Variants in TPST2 observed in about 807,000 individuals in gnomAD.
The protein encoded by TPST2 is tyrosylprotein sulfotransferase 2, also known as protein-tyrosine sulfotransferase 2.
In TPST2, 16 loss-of-function variants were observed where a neutral mutation model predicts 27.8. The ratio of observed to expected loss-of-function variants is 0.58; its 90% confidence interval spans 0.39 to 0.88. TPST2 has a LOEUF of 0.88. TPST2 is among the 40% of genes least tolerant of loss of function. TPST2 has a pLI of 0.00. For synonymous variants in TPST2, 229 were observed against 231.7 expected (o/e 0.99, Z 0.10); for missense variants, 464 against 543.1 (o/e 0.85, Z 1.45).
chr22:26,586,249 T>A (rs73163236), intron 1 of TPST2, among the ~76,000 whole-genome samples: 1,923 of 151,882 alleles, frequency 0.013, 19 homozygotes, highest in East Asian at 0.038. Flanking sequence ...TTTTTAATAT[T>A]TAATTGATTT....
intron 1 of TPST2, among the ~76,000 whole-genome samples, chr22:26,575,171 G>T (rs1160957276): frequency 1.3e-5 from 2 of 152,114 alleles, no homozygotes; most frequent in African/African-American, 4.8e-5. Context: ...TGGAAAATGG[G>T]GATAACACAG....
intron 1 of TPST2, among the ~76,000 whole-genome samples, chr22:26,558,241 T>TGC (rs35839462): frequency 0.011 from 1,718 of 151,074 alleles, 40 homozygotes; most frequent in East Asian, 0.056. Context: ...CAGGTTCAAG[T>TGC]GATTCTCCTG....
Position 26,523,350 on chromosome 22 carries a change from T to C in TPST2, c.*2925A>G, listed in dbSNP as rs920668915. 2.0e-5 allele frequency: 3 copies of C among 152,210 alleles called. No individual in the cohort carries two copies. The highest frequency in any genetic ancestry group is 4.4e-5 in the Non-Finnish European group (3 of 68,030). The allele number at this position is 152,210 out of a possible 1,614,324, so 9.4% of individuals were successfully genotyped here. A position where few individuals can be genotyped will look rare whatever the true frequency, so the allele number is the denominator to read the frequency against. ...ATGTACAAACAGAAAATGGTAGCAT[T>C]ACCTTTAGGAGCTATTGAGAGGAAG... On this transcript the variant is annotated 3_prime_UTR_variant, in exon 7 of 7. Transcript: ENST00000338754.
At chr22:26,586,211 T>C (rs926631124) in intron 1 of TPST2, among the ~76,000 whole-genome samples, 5 of 152,016 alleles carry the variant, frequency 3.3e-5, no homozygotes, top group Non-Finnish European at 7.4e-5. Flanking sequence ...CCCGTCTCCA[T>C]GTCCCTAGGC....
chr22:26,562,903 G>A (rs1408071142), intron 1 of TPST2, among the ~76,000 whole-genome samples: 1 of 152,092 alleles, frequency 6.6e-6, no homozygotes, highest in African/African-American at 2.4e-5. Context: ...GACCAGGGGC[G>A]ATTTTGCCAT....
intron 4 of TPST2, among the ~76,000 whole-genome samples, chr22:26,533,229 A>G (rs2147177409): frequency 6.6e-6 from 1 of 152,240 alleles, no homozygotes; most frequent in Non-Finnish European, 1.5e-5. Flanking sequence ...AGCCTGGGAA[A>G]CACACTGAAA....
At chr22:26,565,766 T>G (rs1038794946) in intron 1 of TPST2, 1 of 152,160 alleles carries the variant, frequency 6.6e-6, no homozygotes, top group Non-Finnish European at 1.5e-5. Flanking sequence ...ATATAAAATA[T>G]TATCATCAAT....
chr22:26,529,002 A>AAC (rs969117001), intron 5 of TPST2, among the ~76,000 whole-genome samples: 4 of 58,860 alleles, frequency 6.8e-5, no homozygotes, highest in East Asian at 5.1e-4. Flanking sequence ...AAACAAAAAC[A>AAC]AAAAAAAAAC....
intron 1 of TPST2, among the ~76,000 whole-genome samples, chr22:26,577,348 GCT>G (rs1927889020): frequency 7.1e-6 from 1 of 141,238 alleles, no homozygotes. Flanking sequence ...ACAAATATTT[GCT>G]CTTTTTTTTT....
At chr22:26,582,034 T>C (rs1928135263) in intron 1 of TPST2, among the ~76,000 whole-genome samples, 1 of 152,212 alleles carries the variant, frequency 6.6e-6, no homozygotes, top group East Asian at 1.9e-4. Context: ...ATCCAGACCC[T>C]CACTATTCCA....
At chr22:26,550,593 G>A in intron 1 of TPST2, 2 of 985,518 alleles carry the variant, frequency 2.0e-6, no homozygotes, top group Non-Finnish European at 2.4e-6. Context: ...TGCACTTACA[G>A]AGTGGCCCTG....
intron 3 of TPST2, among the ~76,000 whole-genome samples, chr22:26,538,492 G>T (rs1925607447): frequency 6.6e-6 from 1 of 152,192 alleles, no homozygotes; most frequent in Non-Finnish European, 1.5e-5. Context: ...GTCGAATATG[G>T]CAATCCGTGT....
At chr22:26,570,164 C>T (rs764317078) in intron 1 of TPST2, among the ~76,000 whole-genome samples, 15 of 152,152 alleles carry the variant, frequency 9.9e-5, no homozygotes, top group Admixed American at 2.6e-4. Context: ...GTATGCTACC[C>T]GCCCCACTCC....
intron 3 of TPST2, among the ~76,000 whole-genome samples, chr22:26,539,877 G>A (rs1311117615): frequency 6.6e-6 from 1 of 152,218 alleles, no homozygotes; most frequent in Non-Finnish European, 1.5e-5. Flanking sequence ...CTTCTCCTCT[G>A]TGAGATTCAG....
intron 1 of TPST2, among the ~76,000 whole-genome samples, chr22:26,551,883 C>CTTTTTTTTTTTTT (rs1163793644): frequency 2.9e-4 from 19 of 66,430 alleles, no homozygotes; most frequent in Non-Finnish European, 3.9e-4. Context: ...TTTTCTTTTT[C>CTTTTTTTTTTTTT]TTTTTTTTTT....
chr22:26,582,965 G>C (rs912955248), intron 1 of TPST2, among the ~76,000 whole-genome samples: 2 of 152,020 alleles, frequency 1.3e-5, no homozygotes, highest in Middle Eastern at 3.2e-3. Context: ...TCCCCACACA[G>C]GGAGTATGCA....
chr22:26,528,424 C>T lies in TPST2; in HGVS notation c.1093-162G>A, dbSNP rs115151319. Among the ~76,000 whole-genome samples, 1,381 of 152,224 alleles carry T rather than the reference C, an allele frequency of 9.1e-3. 19 individuals carry two copies. Among genetic ancestry groups the T allele is most frequent in the African/African-American group, 0.032 (1,332 of 41,526 alleles). On this transcript the variant is annotated intron_variant, in intron 5 of 6. Transcript: ENST00000338754. ...CCAGGTGCTGGGATAGCGTGGTGAG[C>T]GGGACAGACCCAAACCTAGGATCAC...
chr22:26,553,167 A>G (rs2877325), intron 1 of TPST2, among the ~76,000 whole-genome samples: 4 of 151,456 alleles, frequency 2.6e-5, no homozygotes, highest in African/African-American at 9.7e-5. Flanking sequence ...GGTGGAAGCC[A>G]GTTTTGGTTC....
rs79946467 is a variant in TPST2 at position 26,534,330 on chromosome 22, C to T, written c.1042-1585G>A. Reference sequence around the variant, plus strand: ...GTGAGAGGACTTTTCTTTGCAGTAACAGCCAAGCTATGGCAAAAACTAAAC... The same window carrying T: ...GTGAGAGGACTTTTCTTTGCAGTAATAGCCAAGCTATGGCAAAAACTAAAC... On this transcript the variant is annotated intron_variant, in intron 4 of 6. Transcript: ENST00000338754. Among the ~76,000 whole-genome samples the T allele has an allele frequency of 9.0e-3, 1,366 of 152,310 alleles. 31 individuals carry two copies. Among genetic ancestry groups the T allele is most frequent in the African/African-American group, 0.031 (1,270 of 41,556 alleles).
Sources: allele counts gnomAD v4.1 joint callset (sites outside exome capture counted in the v4.1 genomes callset), GRCh38; gene constraint gnomAD v4.1.1; transcripts MANE v1.5; gene names NCBI Gene and HGNC (gene_info 2026-07-23, HGNC 2026-07-21).